Variants in SPAG17 observed in about 807,000 individuals in gnomAD.
SPAG17 encodes the protein sperm associated antigen 17.
A neutral mutation model predicts 273.6 loss-of-function variants in SPAG17; 169 were observed. That is an observed-to-expected ratio of 0.62 (90% CI 0.55 to 0.70). The LOEUF is 0.70. SPAG17 is among the 30% of genes least tolerant of loss of function. The pLI, the probability that SPAG17 is intolerant of heterozygous loss-of-function variation, is 0.00. For synonymous variants in SPAG17, 825 were observed against 873.2 expected, an observed-to-expected ratio of 0.94 and a Z score of 0.97; for missense variants, 2,557 against 2,627.8, an observed-to-expected ratio of 0.97 and a Z score of 0.59.
intron 7 of SPAG17, among the ~76,000 whole-genome samples, chr1:118,095,073 A>G (rs1655621435): frequency 6.6e-6 from 1 of 152,224 alleles, no homozygotes; most frequent in Non-Finnish European, 1.5e-5. Flanking sequence ...CTAGACTGGT[A>G]ATATTTTTCC....
intron 1 of SPAG17, among the ~76,000 whole-genome samples, chr1:118,163,672 A>G (rs1660034867): frequency 6.6e-6 from 1 of 150,456 alleles, no homozygotes; most frequent in Admixed American, 6.7e-5. Context: ...TCACACATAC[A>G]TGGCCATCTT....
chr1:118,117,937 A>G (rs1377899342), intron 3 of SPAG17, among the ~76,000 whole-genome samples: 5 of 152,388 alleles, frequency 3.3e-5, no homozygotes, highest in African/African-American at 9.6e-5. Context: ...TGAACTCAAA[A>G]TCTGAGACAA....
rs749658177 is a variant in SPAG17 at position 117,954,023 on chromosome 1, A to G, written c.*27T>C. 3 of 1,611,698 alleles carry G rather than the reference A, an allele frequency of 1.9e-6. No individual in the cohort carries two copies. On this transcript the variant is annotated 3_prime_UTR_variant, in exon 49 of 49. Transcript: ENST00000336338. Reference sequence around the variant, plus strand: ...CCTCTGTAGGCTGAGAGGATTATGGAGGCTATTGAGTTGTACCGAGAAGAA... The same window carrying G: ...CCTCTGTAGGCTGAGAGGATTATGGGGGCTATTGAGTTGTACCGAGAAGAA...
chr1:118,148,044 T>C (rs575141003), intron 3 of SPAG17, among the ~76,000 whole-genome samples: 2 of 152,338 alleles, frequency 1.3e-5, no homozygotes, highest in East Asian at 1.9e-4. Flanking sequence ...ATGGCTGTTA[T>C]ATCGTGAGTT....
chr1:118,185,015 G>C (rs1661122174), intron 1 of SPAG17, 56 bp downstream of exon 1: 1 of 1,478,716 alleles, frequency 6.8e-7, no homozygotes, highest in Non-Finnish European at 9.5e-7. Context: ...AGGAGGGTCT[G>C]GCCGGGCCTC....
At chr1:118,052,691 A>G (rs1216064079) in intron 20 of SPAG17, among the ~76,000 whole-genome samples, 1 of 152,040 alleles carries the variant, frequency 6.6e-6, no homozygotes, top group African/African-American at 2.4e-5. Context: ...GTTAAAAAAT[A>G]AGTAATAAAA....
At chr1:117,970,398 G>A (rs1295414702) in intron 45 of SPAG17, among the ~76,000 whole-genome samples, 1 of 152,184 alleles carries the variant, frequency 6.6e-6, no homozygotes, top group African/African-American at 2.4e-5. Flanking sequence ...TTGGGCAGTG[G>A]GACTGTTTGG....
chr1:118,070,161 G>A (rs1653439074), intron 17 of SPAG17, among the ~76,000 whole-genome samples: 1 of 152,048 alleles, frequency 6.6e-6, no homozygotes, highest in African/African-American at 2.4e-5. Context: ...TGTTGAAGGA[G>A]AGGAGATAAA....
At chr1:118,059,949 A>G (rs1652105728) in intron 18 of SPAG17, among the ~76,000 whole-genome samples, 1 of 152,126 alleles carries the variant, frequency 6.6e-6, no homozygotes. Context: ...AACTATTGCC[A>G]TTTATTTCAT....
intron 26 of SPAG17, among the ~76,000 whole-genome samples, chr1:118,027,774 T>C (rs987918356): frequency 2.0e-5 from 3 of 152,240 alleles, no homozygotes; most frequent in Admixed American, 2.0e-4. Flanking sequence ...AAATTATATA[T>C]AGATACATGA....
chr1:118,151,154 T>C, intron 2 of SPAG17, 75 bp downstream of exon 2: 2 of 1,236,086 alleles, frequency 1.6e-6, no homozygotes, highest in Non-Finnish European at 2.1e-6. Flanking sequence ...ATATGATAGT[T>C]TATTTTATAA....
intron 3 of SPAG17, among the ~76,000 whole-genome samples, chr1:118,125,366 ATTTC>A (rs1217475420): frequency 6.6e-6 from 1 of 152,074 alleles, no homozygotes; most frequent in Non-Finnish European, 1.5e-5. Flanking sequence ...AACACTTATC[ATTTC>A]TTTGTGTTAG....
intron 13 of SPAG17, among the ~76,000 whole-genome samples, chr1:118,083,202 C>A (rs903948673): frequency 2.0e-5 from 3 of 152,082 alleles, no homozygotes; most frequent in African/African-American, 7.2e-5. Context: ...GTGATCCACC[C>A]GTCTCGGCCT....
intron 45 of SPAG17, among the ~76,000 whole-genome samples, chr1:117,971,333 A>G (rs986294746): frequency 6.6e-6 from 1 of 152,216 alleles, no homozygotes; most frequent in Admixed American, 6.5e-5. Flanking sequence ...GACTCAGGAG[A>G]TCTGAAGTCT....
At chr1:117,996,164 C>T (rs1379227513) in intron 34 of SPAG17, among the ~76,000 whole-genome samples, 1 of 152,008 alleles carries the variant, frequency 6.6e-6, no homozygotes, top group Admixed American at 6.6e-5. Flanking sequence ...TCAGATGTAT[C>T]TTGATATACA....
chr1:118,033,517 C>T (rs556145381), intron 24 of SPAG17, among the ~76,000 whole-genome samples: 6 of 152,314 alleles, frequency 3.9e-5, no homozygotes, highest in African/African-American at 1.4e-4. Flanking sequence ...GCTGGGTCTT[C>T]TGCAGCGTTT....
intron 1 of SPAG17, among the ~76,000 whole-genome samples, chr1:118,175,453 C>A (rs898935770): frequency 6.6e-6 from 1 of 151,806 alleles, no homozygotes; most frequent in Non-Finnish European, 1.5e-5. Flanking sequence ...AGGAGATGAT[C>A]CTAAAAGCAG....
chr1:118,173,202 A>C (rs955332889), intron 1 of SPAG17, among the ~76,000 whole-genome samples: 2 of 152,046 alleles, frequency 1.3e-5, no homozygotes, highest in African/African-American at 2.4e-5. Context: ...CTAACAAATG[A>C]ATGACCAATC....
intron 3 of SPAG17, among the ~76,000 whole-genome samples, chr1:118,136,832 T>TGTGTGTGTGTGTGTGTG (rs1558037921): frequency 6.7e-6 from 1 of 150,038 alleles, no homozygotes; most frequent in Non-Finnish European, 1.5e-5. Flanking sequence ...TGTGTGTGTG[T>TGTGTGTGTGTGTGTGTG]TTTTAATGAT....
Sources: allele counts gnomAD v4.1 joint callset (sites outside exome capture counted in the v4.1 genomes callset), GRCh38; gene constraint gnomAD v4.1.1; transcripts MANE v1.5; gene names NCBI Gene and HGNC (gene_info 2026-07-23, HGNC 2026-07-21).